The following ERC2 variants were observed in gnomAD, a reference collection of about 807,000 sequenced individuals.
ERC2 encodes the protein ERC protein 2.
ERC2 carries 42 observed loss-of-function variants against 114.8 expected under a neutral mutation model. The ratio of observed to expected loss-of-function variants is 0.37; its 90% CI spans 0.29 to 0.47. The LOEUF (loss-of-function observed/expected upper bound fraction) is 0.47. Ranked by LOEUF, ERC2 falls within the 20% of genes least tolerant of loss-of-function variation. The pLI is 0.99. For missense variants in ERC2, 939 were observed against 1,150.7 expected, an observed-to-expected ratio of 0.82 and a Z score of 2.66; for synonymous variants, 454 against 425.5, an observed-to-expected ratio of 1.07 and a Z score of -0.82.
intron 14 of ERC2, among the ~76,000 whole-genome samples, chr3:55,812,585 G>A (rs1389946708): frequency 6.6e-6 from 1 of 152,148 alleles, no homozygotes; most frequent in East Asian, 1.9e-4. Flanking sequence ...AGTGGGAGGA[G>A]GTATGATGAA....
chr3:56,268,534 C>T (rs1422107568), intron 3 of ERC2, among the ~76,000 whole-genome samples: 1 of 152,134 alleles, frequency 6.6e-6, no homozygotes, highest in Non-Finnish European at 1.5e-5. Context: ...AGCCCCTACA[C>T]ACCTTCAGCA....
At chr3:55,951,318 T>A (rs1354421650) in intron 12 of ERC2, among the ~76,000 whole-genome samples, 1 of 152,210 alleles carries the variant, frequency 6.6e-6, no homozygotes, top group Non-Finnish European at 1.5e-5. Flanking sequence ...GAGGCTCCAA[T>A]CAAATACATT....
At chr3:55,847,920 T>A (rs1329737529) in intron 14 of ERC2, among the ~76,000 whole-genome samples, 1 of 152,084 alleles carries the variant, frequency 6.6e-6, no homozygotes, top group Non-Finnish European at 1.5e-5. Flanking sequence ...TGCCTCAGCC[T>A]CCCAATCAGC....
intron 2 of ERC2, among the ~76,000 whole-genome samples, chr3:56,371,403 G>C (rs992773320): frequency 2.6e-5 from 4 of 152,110 alleles, no homozygotes; most frequent in Non-Finnish European, 2.9e-5. Flanking sequence ...ATACCTGAAG[G>C]CTCCCCTTTT....
intron 14 of ERC2, among the ~76,000 whole-genome samples, chr3:55,884,146 T>A (rs561552372): frequency 6.6e-6 from 1 of 152,312 alleles, no homozygotes; most frequent in Admixed American, 6.5e-5. Context: ...TTTACAAATA[T>A]GTTAATAAAA....
At chr3:56,141,704 C>T (rs767045524) in intron 5 of ERC2, among the ~76,000 whole-genome samples, 2 of 152,002 alleles carry the variant, frequency 1.3e-5, no homozygotes, top group Non-Finnish European at 2.9e-5. Context: ...CATGGTTTAT[C>T]GCCATTTTTC....
At chr3:55,995,401 CTCTA>C (rs1365138537) in intron 10 of ERC2, among the ~76,000 whole-genome samples, 1 of 152,154 alleles carries the variant, frequency 6.6e-6, no homozygotes, top group Non-Finnish European at 1.5e-5. Context: ...AGTTAAATCT[CTCTA>C]TCTCTATATC....
intron 17 of ERC2, among the ~76,000 whole-genome samples, chr3:55,555,961 T>C (rs1248032607): frequency 2.6e-5 from 4 of 152,014 alleles, no homozygotes; most frequent in Admixed American, 6.6e-5. Context: ...TAAATGCCTA[T>C]CCCCCAAGCC....
intron 17 of ERC2, among the ~76,000 whole-genome samples, chr3:55,676,441 CTTATTATTA>C (rs71619901): frequency 2.4e-4 from 34 of 142,198 alleles, no homozygotes; most frequent in South Asian, 4.6e-4. Flanking sequence ...TACTGAGCTG[CTTATTATTA>C]TTATTATTAT....
In ERC2 at chr3:55,894,507, T is replaced by A. The variant is rs73075327; in HGVS notation, c.2404-5958A>T. Among the ~76,000 whole-genome samples the A allele has an allele frequency of 1.2e-3, 177 of 152,306 alleles. 1 individual carries two copies. Among genetic ancestry groups the A allele is most frequent in the Admixed American group, 2.1e-3 (32 of 15,298 alleles). On this transcript the variant is annotated intron_variant, in intron 13 of 17. Transcript: ENST00000288221. ...TACATAGGTACGTTGCATGTGGGAA[T>A]TGGGCTTCTACGTGTACCCATCACC...
At chr3:55,564,728 C>A (rs575263033) in intron 17 of ERC2, among the ~76,000 whole-genome samples, 26 of 152,270 alleles carry the variant, frequency 1.7e-4, no homozygotes, top group African/African-American at 3.6e-4. Flanking sequence ...AAGAAGTGTC[C>A]ACAGAAAGAC....
At chr3:55,610,546 C>CACAT (rs1205357939) in intron 17 of ERC2, 2 of 152,770 alleles carry the variant, frequency 1.3e-5, no homozygotes, top group Admixed American at 6.6e-5. Flanking sequence ...CACACACACA[C>CACAT]ACAAAGTAGC....
At chr3:55,859,431 G>A (rs12636865) in intron 14 of ERC2, among the ~76,000 whole-genome samples, 5,435 of 152,000 alleles carry the variant, frequency 0.036, 160 homozygotes, top group African/African-American at 0.078. Flanking sequence ...AGCTGTCTTC[G>A]TGTTTGTCTG....
chr3:56,424,858 T>C (rs371700533), intron 2 of ERC2, among the ~76,000 whole-genome samples: 3 of 152,152 alleles, frequency 2.0e-5, no homozygotes, highest in African/African-American at 7.2e-5. Context: ...TAAACTATAT[T>C]ATCCAGTTCT....
intron 4 of ERC2, among the ~76,000 whole-genome samples, chr3:56,171,839 C>T (rs1209979197): frequency 2.3e-5 from 3 of 128,724 alleles, no homozygotes; most frequent in African/African-American, 8.5e-5. Flanking sequence ...CTTGGAAACT[C>T]GCTCTTTTTT....
chr3:56,117,086 A>C (rs1248605744), intron 6 of ERC2, among the ~76,000 whole-genome samples: 2 of 152,176 alleles, frequency 1.3e-5, no homozygotes, highest in Non-Finnish European at 2.9e-5. Flanking sequence ...CTGGATTTGA[A>C]CCTGGATTCC....
At chr3:55,770,006 T>C (rs909404883) in intron 14 of ERC2, among the ~76,000 whole-genome samples, 5 of 152,194 alleles carry the variant, frequency 3.3e-5, no homozygotes, top group African/African-American at 1.2e-4. Flanking sequence ...CCTTGCCCCA[T>C]CGTCAGGCTT....
chr3:56,116,050 T>C (rs971511714), intron 6 of ERC2, among the ~76,000 whole-genome samples: 1 of 152,176 alleles, frequency 6.6e-6, no homozygotes, highest in African/African-American at 2.4e-5. Flanking sequence ...GCCATGTTTC[T>C]CCTCCCTCTC....
At chr3:56,368,172 ATTCTTT>A (rs2059223608) in intron 2 of ERC2, among the ~76,000 whole-genome samples, 2 of 134,684 alleles carry the variant, frequency 1.5e-5, no homozygotes, top group African/African-American at 5.4e-5. Flanking sequence ...AGTTGAAATT[ATTCTTT>A]TTTTTTTAAA....
Sources: allele counts gnomAD v4.1 joint callset (sites outside exome capture counted in the v4.1 genomes callset), GRCh38; gene constraint gnomAD v4.1.1; transcripts MANE v1.5; gene names NCBI Gene and HGNC (gene_info 2026-07-23, HGNC 2026-07-21).